The following GPAM variants were observed in gnomAD, a reference collection of about 807,000 sequenced individuals.
GPAM encodes glycerol-3-phosphate acyltransferase, mitochondrial.
A neutral mutation model predicts 105.0 loss-of-function variants in GPAM; 56 were observed. The ratio of observed to expected loss-of-function variants is 0.53; its 90% confidence interval spans 0.43 to 0.67. GPAM has a LOEUF of 0.67. Ranked by LOEUF, GPAM falls within the 30% of genes least tolerant of loss-of-function variation. GPAM has a pLI of 0.00. For synonymous variants in GPAM, 368 were observed against 354.4 expected (o/e 1.04, Z -0.43); for missense variants, 855 against 989.8 (o/e 0.86, Z 1.83).
At chr10:112,177,714 A>T (rs1847432327) in intron 5 of GPAM, among the ~76,000 whole-genome samples, 1 of 152,252 alleles carries the variant, frequency 6.6e-6, no homozygotes, top group Admixed American at 6.5e-5. Flanking sequence ...ACATTTTGGC[A>T]TACTTCATAT....
intron 1 of GPAM, among the ~76,000 whole-genome samples, chr10:112,208,798 A>C (rs1468335928): frequency 6.6e-6 from 1 of 152,244 alleles, no homozygotes; most frequent in African/African-American, 2.4e-5. Flanking sequence ...ATTTGATAAA[A>C]GAAGTAATGC....
At chr10:112,166,802 T>C (rs779301160) in intron 11 of GPAM, among the ~76,000 whole-genome samples, 18 of 152,144 alleles carry the variant, frequency 1.2e-4, no homozygotes, top group Non-Finnish European at 1.3e-4. Flanking sequence ...AAAAATACAA[T>C]TGCAAACTAA....
the GPAM span, among the ~76,000 whole-genome samples, chr10:112,225,690 C>T: frequency 6.6e-6 from 1 of 152,120 alleles, no homozygotes; most frequent in Non-Finnish European, 1.5e-5. Flanking sequence ...CCCCTCGACT[C>T]CCCACCACCA....
At chr10:112,176,878 C>T (rs1847415135) in intron 5 of GPAM, among the ~76,000 whole-genome samples, 1 of 152,134 alleles carries the variant, frequency 6.6e-6, no homozygotes, top group South Asian at 2.1e-4. Context: ...CAGCTTATTT[C>T]ACTGAATAGT....
intron 11 of GPAM, 42 bp from the exon 12 acceptor site, chr10:112,166,557 C>T (rs1315866332): frequency 9.9e-7 from 1 of 1,013,448 alleles, no homozygotes; most frequent in Admixed American, 1.7e-5. Flanking sequence ...GAAATAAAGC[C>T]AACACATACA....
At chr10:112,223,854 A>T in the GPAM span, among the ~76,000 whole-genome samples, 1 of 152,210 alleles carries the variant, frequency 6.6e-6, no homozygotes, top group East Asian at 1.9e-4. Context: ...GGTGGGCTGG[A>T]CTTGGTCCCA....
intron 9 of GPAM, among the ~76,000 whole-genome samples, chr10:112,171,019 G>A (rs551828335): frequency 6.6e-6 from 1 of 152,308 alleles, no homozygotes; most frequent in East Asian, 1.9e-4. Context: ...ATCTTGTGAA[G>A]CTCCACCTGC....
intron 1 of GPAM, among the ~76,000 whole-genome samples, chr10:112,208,230 C>T (rs1051407777): frequency 2.0e-5 from 3 of 152,204 alleles, no homozygotes; most frequent in African/African-American, 7.2e-5. Flanking sequence ...TCTTTTGCAG[C>T]AGTCTCTAAG....
intron 3 of GPAM, among the ~76,000 whole-genome samples, 158 bp downstream of exon 3, chr10:112,181,525 T>C (rs926593936): frequency 2.0e-5 from 3 of 152,196 alleles, no homozygotes; most frequent in Admixed American, 1.3e-4. Flanking sequence ...CCCAATATAA[T>C]GCCATAAAAT....
chr10:112,169,886 G>A (rs924592299), intron 9 of GPAM, among the ~76,000 whole-genome samples: 17 of 152,118 alleles, frequency 1.1e-4, no homozygotes, highest in African/African-American at 3.9e-4. Flanking sequence ...GGATAGGAGC[G>A]CAAATCCTAT....
chr10:112,220,943 T>C, the GPAM span, among the ~76,000 whole-genome samples: 1 of 151,862 alleles, frequency 6.6e-6, no homozygotes, highest in South Asian at 2.1e-4. Flanking sequence ...AGGCAGCCAA[T>C]ATAAATGAGA....
chr10:112,202,375 T>C (rs752194373), intron 1 of GPAM, among the ~76,000 whole-genome samples: 1 of 151,808 alleles, frequency 6.6e-6, no homozygotes, highest in African/African-American at 2.4e-5. Flanking sequence ...AGAAAGGGGT[T>C]TAAAAATGAG....
the GPAM span, among the ~76,000 whole-genome samples, chr10:112,226,016 T>C: frequency 1.3e-5 from 2 of 152,204 alleles, no homozygotes; most frequent in Admixed American, 1.3e-4. Context: ...ATTTTTCCCA[T>C]GGTGCTCATT....
chr10:112,203,468 A>C (rs1232517342), intron 1 of GPAM, among the ~76,000 whole-genome samples: 1 of 152,244 alleles, frequency 6.6e-6, no homozygotes, highest in African/African-American at 2.4e-5. Flanking sequence ...CTCTGCCAAC[A>C]GCCAGCATTG....
At chr10:112,188,193 C>T (rs908347756), upstream of GPAM, among the ~76,000 whole-genome samples, 4 of 151,664 alleles carry the variant, frequency 2.6e-5, no homozygotes, top group Admixed American at 6.6e-5. Flanking sequence ...CAGATATCAA[C>T]GAAAGCAGAA....
intron 3 of GPAM, among the ~76,000 whole-genome samples, chr10:112,180,919 A>G (rs1225337482): frequency 2.0e-5 from 3 of 152,070 alleles, no homozygotes; most frequent in Non-Finnish European, 4.4e-5. Flanking sequence ...AATTAACCTT[A>G]CCCCCTTTTA....
chr10:112,172,428 C>G (rs900324950), intron 8 of GPAM, 110 bp from the exon 9 acceptor site: 1 of 799,252 alleles, frequency 1.3e-6, no homozygotes, highest in African/African-American at 1.7e-5. Context: ...CAGTGACTCA[C>G]TCTTTAAAAA....
intron 3 of GPAM, among the ~76,000 whole-genome samples, 184 bp downstream of exon 3, chr10:112,181,499 C>T (rs1336138737): frequency 6.6e-6 from 1 of 152,070 alleles, no homozygotes; most frequent in East Asian, 1.9e-4. Context: ...CATAAATTTT[C>T]TAACCATTTT....
At chr10:112,170,082 C>T (rs772058322) in intron 9 of GPAM, among the ~76,000 whole-genome samples, 9 of 152,126 alleles carry the variant, frequency 5.9e-5, no homozygotes, top group Non-Finnish European at 8.8e-5. Context: ...ATAAAGTGCA[C>T]AATAAATGTA....
Sources: gnomAD v4.1 joint callset for allele counts (sites outside exome capture counted in the v4.1 genomes callset) on GRCh38, gnomAD v4.1.1 for gene constraint, MANE v1.5 for transcripts, NCBI Gene and HGNC (gene_info 2026-07-23, HGNC 2026-07-21) for gene names.